The following GPR22 variants were observed in gnomAD, a reference collection of about 807,000 sequenced individuals.
GPR22 encodes G protein-coupled receptor 22.
In GPR22, 13 loss-of-function variants were observed where a neutral mutation model predicts 31.0. The ratio of observed to expected loss-of-function variants is 0.42; its 90% CI spans 0.27 to 0.67. GPR22 has a LOEUF of 0.67. Ranked by LOEUF, GPR22 falls within the 30% of genes least tolerant of loss-of-function variation. The pLI, the probability that GPR22 is intolerant of heterozygous loss-of-function variation, is 0.25. For missense variants in GPR22, 368 were observed against 509.6 expected, an observed-to-expected ratio of 0.72 and a Z score of 2.67; for synonymous variants, 191 against 173.4, an observed-to-expected ratio of 1.10 and a Z score of -0.80.
In GPR22 at chr7:107,475,218, T is replaced by C; in HGVS notation, c.1158T>C (p.Val386=). Residue 386 remains valine, a synonymous_variant, in exon 3 of 3, where the codon GTT becomes GTC. Coordinates refer to ENST00000304402, the MANE Select transcript of GPR22 (RefSeq NM_005295.3). ...KVLKSKMKKR[V]VSIVEADPLP... ...TGAAAAGTAAAATGAAAAAGCGAGT[T>C]GTTTCTATAGTAGAAGCTGATCCCC... 1 of 1,611,954 alleles carries C rather than the reference T, an allele frequency of 6.2e-7. No individual in the cohort carries two copies. The highest frequency in any genetic ancestry group is 8.5e-7 in the Non-Finnish European group (1 of 1,178,468).
rs373788840 is a variant in GPR22, at chr7:107,474,294, C to T, written c.234C>T (p.Asn78=). ...CCAACTTAATCAACTCTGTCAGTAA[C>T]ATTATTACAATGAATCTTCATGTAC... ...MKSNLINSVS[N]IITMNLHVLD... is the part of the protein sequence containing the mutation. Residue 78 remains asparagine, a synonymous_variant, in exon 3 of 3, where the codon AAC becomes AAT. Transcript: ENST00000304402. The surrounding 1 kb of genome is among the most constrained non-coding windows in gnomAD (Gnocchi z 5.7). 1.1e-5 allele frequency: 17 copies of T among 1,610,002 alleles called. No individual in the cohort carries two copies. Among genetic ancestry groups the T allele is most frequent in the Non-Finnish European group, 1.3e-5 (15 of 1,176,610 alleles).
Position 107,474,937 on chromosome 7 carries a change from G to C in GPR22, c.877G>C (p.Ala293Pro). The C allele has an allele frequency of 6.2e-7, 1 of 1,612,754 alleles. No homozygotes were observed. Among genetic ancestry groups the C allele is most frequent in the Non-Finnish European group, 8.5e-7 (1 of 1,179,368 alleles). Residue 293 changes from alanine (A) to proline (P), a missense_variant, in exon 3 of 3, where the codon GCC (alanine) becomes CCC (proline). By Grantham distance (27) the Ala-to-Pro change is conservative (BLOSUM62 -1). Transcript: ENST00000304402. The surrounding 1 kb of genome is among the most constrained non-coding windows in gnomAD (Gnocchi z 5.7). ...AAGAACTTCAGTTTCTGTAATAATT[G>C]CCCTCCGGCGAGCTGTGAAACGACA... ...GVRTSVSVII[A>P]LRRAVKRHRE...
Position 107,475,447 on chromosome 7 carries a change from A to T in GPR22, c.*85A>T. 4.7e-6 allele frequency: 3 copies of T among 640,342 alleles called. No homozygotes were observed. In the South Asian group the frequency reaches 7.4e-5, roughly 16 times the overall value. The allele number at this position is 640,342 out of a possible 1,614,324, so 39.7% of individuals were successfully genotyped here. ...AACTGATATTACTGCCAAATATAAG[A>T]AAAATATTTTAAGTATTGGTTATGT... On this transcript the variant is annotated 3_prime_UTR_variant, in exon 3 of 3. Transcript: ENST00000304402.
chr7:107,475,538 G>A lies in GPR22; in HGVS notation c.*176G>A. 2.1e-6 allele frequency: 1 copy of A among 480,526 alleles called. No homozygotes were observed. The highest frequency in any genetic ancestry group is 3.8e-6 in the Non-Finnish European group (1 of 266,054). The allele number at this position is 480,526 out of a possible 1,614,324, so 29.8% of individuals were successfully genotyped here. A position where few individuals can be genotyped will look rare whatever the true frequency, so the allele number is the denominator to read the frequency against. On this transcript the variant is annotated 3_prime_UTR_variant, in exon 3 of 3. Transcript: ENST00000304402. ...ATATTCAATTTCTTCATTACTTAATGTATTTGTTGCATGGCAGTTTGTTAA... is the reference window on the plus strand; with the variant it reads ...ATATTCAATTTCTTCATTACTTAATATATTTGTTGCATGGCAGTTTGTTAA...
chr7:107,476,686 TAA>T (rs1161162191), downstream of GPR22, among the ~76,000 whole-genome samples: 2 of 151,694 alleles, frequency 1.3e-5, no homozygotes, highest in African/African-American at 2.4e-5. Context: ...AATTTAGCAA[TAA>T]GTTATTTAAA....
chr7:107,474,282 C>A lies in GPR22; in HGVS notation c.222C>A (p.Asn74Lys). 6.2e-7 allele frequency: 1 copy of A among 1,611,822 alleles called. No individual in the cohort carries two copies. Among genetic ancestry groups the A allele is most frequent in the Non-Finnish European group, 8.5e-7 (1 of 1,178,170 alleles). Reference sequence around the variant, plus strand: ...ACTGCATGAAATCCAACTTAATCAACTCTGTCAGTAACATTATTACAATGA... The same window carrying A: ...ACTGCATGAAATCCAACTTAATCAAATCTGTCAGTAACATTATTACAATGA... ...VLYCMKSNLI[N>K]SVSNIITMNL... Residue 74 changes from asparagine to lysine, a missense_variant, in exon 3 of 3, where the codon AAC (asparagine) becomes AAA (lysine). By Grantham distance (94) the Asn-to-Lys change is moderately conservative (BLOSUM62 0). Transcript: ENST00000304402. This position sits in a 1 kb window ranked among gnomAD's most constrained non-coding sequence, Gnocchi z 5.7.
Position 107,475,249 on chromosome 7 carries a change from A to G in GPR22, c.1189A>G (p.Asn397Asp). The G allele has an allele frequency of 6.2e-7, 1 of 1,605,646 alleles. No homozygotes were observed. Reference sequence around the variant, plus strand: ...TATAGTAGAAGCTGATCCCCTGCCTAATAATGCTGTAATACACAACTCTTG... The same window carrying G: ...TATAGTAGAAGCTGATCCCCTGCCTGATAATGCTGTAATACACAACTCTTG... ...VSIVEADPLP[N>D]NAVIHNSWID... The change falls in exon 3 of 3, where the codon AAT (asparagine) becomes GAT (aspartate). Residue 397 changes from asparagine to aspartate, a missense_variant. Asn to Asp is a conservative substitution (Grantham distance 23). Transcript: ENST00000304402.
chr7:107,474,898 G>A lies in GPR22; in HGVS notation c.838G>A (p.Val280Ile), dbSNP rs1379040882. ...DMSQSSGGRN[V>I]VFGVRTSVSV... is the part of the protein sequence containing the mutation. ...GTCACAAAGCAGTGGTGGGAGAAAT[G>A]TAGTCTTTGGTGTAAGAACTTCAGT... Residue 280 changes from valine (V) to isoleucine (I), a missense_variant, in exon 3 of 3, where the codon GTA becomes ATA. Val to Ile is a conservative substitution (Grantham distance 29). Coordinates refer to ENST00000304402, the MANE Select transcript of GPR22 (RefSeq NM_005295.3). This position sits in a 1 kb window ranked among gnomAD's most constrained non-coding sequence, Gnocchi z 5.7. 1.9e-6 allele frequency: 3 copies of A among 1,613,132 alleles called. No individual in the cohort carries two copies. The Admixed American group carries it at 5.0e-5, about 27-fold the overall frequency.
At chr7:107,472,562 T>C (rs1298280114) in intron 2 of GPR22, 1 of 151,986 alleles carries the variant, frequency 6.6e-6, no homozygotes, top group Non-Finnish European at 1.5e-5. Flanking sequence ...TGATGTTTAA[T>C]CTGTCAGTTC....
chr7:107,474,936 T>C lies in GPR22; in HGVS notation c.876T>C (p.Ile292=). 1 of 1,612,918 alleles carries C rather than the reference T, an allele frequency of 6.2e-7. No homozygotes were observed. Among genetic ancestry groups the C allele is most frequent in the Non-Finnish European group, 8.5e-7 (1 of 1,179,438 alleles). The change falls in exon 3 of 3, where the codon ATT becomes ATC. Residue 292 remains isoleucine, a synonymous_variant. Transcript: ENST00000304402. The surrounding 1 kb of genome is among the most constrained non-coding windows in gnomAD (Gnocchi z 5.7). ...FGVRTSVSVI[I]ALRRAVKRHR... ...TAAGAACTTCAGTTTCTGTAATAAT[T>C]GCCCTCCGGCGAGCTGTGAAACGAC...
At chr7:107,475,793 A>C (rs1399925851), downstream of GPR22, 2 of 166,828 alleles carry the variant, frequency 1.2e-5, no homozygotes, top group East Asian at 1.9e-4. Flanking sequence ...TAAAAACCAA[A>C]ATTATGGGCT....
rs1796860563 is a variant in GPR22 at position 107,474,657 on chromosome 7, T to C, written c.597T>C (p.Ser199=). Residue 199 remains serine (S), a synonymous_variant, in exon 3 of 3, where the codon AGT becomes AGC. Transcript: ENST00000304402. The surrounding 1 kb of genome is among the most constrained non-coding windows in gnomAD (Gnocchi z 5.7). Reference sequence around the variant, plus strand: ...AAAACAAGACACTTTTATGTGTCAGTACAAATGAATACTACACTGAACTGG... The same window carrying C: ...AAAACAAGACACTTTTATGTGTCAGCACAAATGAATACTACACTGAACTGG... The part of the protein sequence containing the change: ...TWENKTLLCV[S]TNEYYTELGM... The C allele has an allele frequency of 6.2e-7, 1 of 1,609,162 alleles. No individual in the cohort carries two copies. The highest frequency in any genetic ancestry group is 8.5e-7 in the Non-Finnish European group (1 of 1,176,110).
At chr7:107,472,780 G>C (rs1796715569) in intron 2 of GPR22, 1 of 151,826 alleles carries the variant, frequency 6.6e-6, no homozygotes, top group Non-Finnish European at 1.5e-5. Flanking sequence ...AACATTAAGT[G>C]AAAGTTAACA....
chr7:107,471,075 C>A (rs1381200826), intron 1 of GPR22, among the ~76,000 whole-genome samples: 2 of 151,894 alleles, frequency 1.3e-5, no homozygotes, highest in African/African-American at 4.8e-5. Context: ...TCTGAAAATA[C>A]AGGTTAGCTT....
intron 1 of GPR22, among the ~76,000 whole-genome samples, chr7:107,471,145 G>A (rs1325472605): frequency 6.6e-6 from 1 of 151,918 alleles, no homozygotes; most frequent in African/African-American, 2.4e-5. Context: ...AATTGTATTT[G>A]AAATGTGAAC....
At position 107,474,874 on chromosome 7, in the gene GPR22, T is replaced by A. The variant is rs1442602459; in HGVS notation, c.814T>A (p.Ser272Thr). Residue 272 changes from serine to threonine, a missense_variant, in exon 3 of 3, where the codon TCA (serine) becomes ACA (threonine). Transcript: ENST00000304402. This position sits in a 1 kb window ranked among gnomAD's most constrained non-coding sequence, Gnocchi z 5.7. ...CACACAACATGAGGCTACAGACATG[T>A]CACAAAGCAGTGGTGGGAGAAATGT... ...LTTQHEATDM[S>T]QSSGGRNVVF... is the part of the protein sequence containing the mutation. 1 of 1,613,166 alleles carries A rather than the reference T, an allele frequency of 6.2e-7. No individual in the cohort carries two copies. The highest frequency in any genetic ancestry group is 1.1e-5 in the South Asian group (1 of 91,056).
At position 107,474,359 on chromosome 7, in the gene GPR22, T is replaced by C. The variant is rs1796840119; in HGVS notation, c.299T>C (p.Ile100Thr). The C allele has an allele frequency of 6.2e-7, 1 of 1,612,612 alleles. No homozygotes were observed. ...IICVGCIPLTIVILLLSLESN... is the reference protein window; with the variant it reads ...IICVGCIPLTTVILLLSLESN... ...TGTGTGGGATGTATTCCTCTAACTATAGTTATCCTTCTGCTTTCACTGGAG... is the reference window on the plus strand; with the variant it reads ...TGTGTGGGATGTATTCCTCTAACTACAGTTATCCTTCTGCTTTCACTGGAG... Residue 100 changes from isoleucine (I) to threonine (T), a missense_variant, in exon 3 of 3, where the codon ATA becomes ACA. Physicochemically the swap from Ile to Thr is moderately conservative, Grantham distance 89. Coordinates refer to ENST00000304402, the MANE Select transcript of GPR22 (RefSeq NM_005295.3). The surrounding 1 kb of genome is among the most constrained non-coding windows in gnomAD (Gnocchi z 5.7).
At position 107,474,525 on chromosome 7, in the gene GPR22, C is replaced by T. The variant is rs146406789; in HGVS notation, c.465C>T (p.Gly155=). The T allele has an allele frequency of 2.7e-5, 44 of 1,611,802 alleles. No individual in the cohort carries two copies. Among genetic ancestry groups the T allele is most frequent in the African/African-American group, 2.3e-4 (17 of 74,944 alleles). ...CTGCAAACCGAATTCTGACAATGGG[C>T]AGAGCTGTAATGTTAATGATATCCA... The part of the protein sequence containing the change: ...VKPANRILTM[G]RAVMLMISIW... Residue 155 remains glycine, a synonymous_variant, in exon 3 of 3, where the codon GGC becomes GGT. Transcript: ENST00000304402. This position sits in a 1 kb window ranked among gnomAD's most constrained non-coding sequence, Gnocchi z 5.7.
chr7:107,474,864 T>C lies in GPR22; in HGVS notation c.804T>C (p.Ala268=), dbSNP rs1796875192. The change falls in exon 3 of 3, where the codon GCT becomes GCC. Residue 268 remains alanine (A), a synonymous_variant. Transcript: ENST00000304402. This position sits in a 1 kb window ranked among gnomAD's most constrained non-coding sequence, Gnocchi z 5.7. ...TTTCTCTAACCACACAACATGAGGC[T>C]ACAGACATGTCACAAAGCAGTGGTG... ...KTISLTTQHE[A]TDMSQSSGGR... 3 of 1,613,094 alleles carry C rather than the reference T, an allele frequency of 1.9e-6. No individual in the cohort carries two copies. The African/African-American group carries it at 4.0e-5, about 22-fold the overall frequency.
Sources: allele counts gnomAD v4.1 joint callset (sites outside exome capture counted in the v4.1 genomes callset), GRCh38; gene constraint gnomAD v4.1.1; non-coding constraint Gnocchi (gnomAD v3.1); transcripts MANE v1.5; gene names NCBI Gene and HGNC (gene_info 2026-07-23, HGNC 2026-07-21).